The following ZC2HC1B variants were observed in gnomAD, a reference collection of about 807,000 sequenced individuals.
ZC2HC1B encodes the protein zinc finger C2HC-type containing 1B, also known as zinc finger C2HC domain-containing protein 1B.
A neutral mutation model predicts 31.0 loss-of-function variants in ZC2HC1B; 36 were observed. That is an observed-to-expected ratio of 1.16 (90% CI 0.89 to 1.54). The LOEUF is 1.54. Among genes scored for constraint, ZC2HC1B ranks in the 40% most tolerant of loss-of-function variants. ZC2HC1B has a pLI of 0.00. For synonymous variants in ZC2HC1B, 73 were observed against 88.0 expected (o/e 0.83, Z 0.95); for missense variants, 260 against 268.6 (o/e 0.97, Z 0.22).
rs757669096 is a variant in ZC2HC1B at position 143,905,540 on chromosome 6, C to G, written c.598+2388C>G. On this transcript the variant is annotated intron_variant, in intron 6 of 7. Coordinates refer to ENST00000237275, the MANE Select transcript of ZC2HC1B (RefSeq NM_001013623.3). This position sits in a 1 kb window ranked among gnomAD's most constrained non-coding sequence, Gnocchi z 4.2. The stretch of plus-strand genomic sequence containing the variant: ...TACTTCCTCCTTTCCAATTTGGATG[C>G]CTTTTAATTTTTTTCTTCCTAATTG... Among the ~76,000 whole-genome samples the G allele has an allele frequency of 2.6e-5, 4 of 152,106 alleles. No homozygotes were observed. The highest frequency in any genetic ancestry group is 4.8e-5 in the African/African-American group (2 of 41,430).
At chr6:143,893,254 A>G (rs967522692) in intron 4 of ZC2HC1B, among the ~76,000 whole-genome samples, 9 of 152,160 alleles carry the variant, frequency 5.9e-5, no homozygotes, top group Non-Finnish European at 1.2e-4. Context: ...ATGAGATACC[A>G]CTACACATCC....
At chr6:143,936,795 AT>A (rs1778183898) in intron 6 of ZC2HC1B, among the ~76,000 whole-genome samples, 2 of 152,188 alleles carry the variant, frequency 1.3e-5, no homozygotes, top group Non-Finnish European at 2.9e-5. Flanking sequence ...CAAGTTAAGC[AT>A]TTTACCTGCA....
chr6:143,937,999 C>G, intron 7 of ZC2HC1B, 143 bp from the exon 8 acceptor site: 1 of 250,560 alleles, frequency 4.0e-6, no homozygotes, highest in Non-Finnish European at 7.6e-6. Flanking sequence ...TTTCTAAGCA[C>G]CTTACCCTCA....
chr6:143,888,237 C>T (rs1777554371), intron 4 of ZC2HC1B, among the ~76,000 whole-genome samples: 1 of 152,064 alleles, frequency 6.6e-6, no homozygotes, highest in African/African-American at 2.4e-5. Context: ...TTCCTGGGCT[C>T]TCTGTTCTAT....
Position 143,869,566 on chromosome 6 carries a change from T to A in ZC2HC1B, c.28+4999T>A, listed in dbSNP as rs1294921697. Among the ~76,000 whole-genome samples the A allele has an allele frequency of 6.6e-6, 1 of 152,216 alleles. No homozygotes were observed. Among genetic ancestry groups the A allele is most frequent in the East Asian group, 1.9e-4 (1 of 5,200 alleles). Reference sequence around the variant, plus strand: ...CATGCTATGAGTCCATGGATGGTAGTCTTGGCAGAAGCATTGCATGGAGGA... The same window carrying A: ...CATGCTATGAGTCCATGGATGGTAGACTTGGCAGAAGCATTGCATGGAGGA... On this transcript the variant is annotated intron_variant, in intron 1 of 7. Coordinates refer to ENST00000237275, the MANE Select transcript of ZC2HC1B (RefSeq NM_001013623.3). This position sits in a 1 kb window ranked among gnomAD's most constrained non-coding sequence, Gnocchi z 5.2.
At position 143,886,921 on chromosome 6, in the gene ZC2HC1B, GAAGT is replaced by G. The variant is rs1210820420; in HGVS notation, c.349+103_349+106del. Reference sequence around the variant, plus strand: ...TGAAATTGACAATAACAATTACATAGAAGTAATTTTATTAATTATATAAAAGTAA... The same window carrying G: ...TGAAATTGACAATAACAATTACATAGAATTTTATTAATTATATAAAAGTAA... On this transcript the variant is annotated intron_variant, in intron 4 of 7. Coordinates refer to ENST00000237275, the MANE Select transcript of ZC2HC1B (RefSeq NM_001013623.3). This position sits in a 1 kb window ranked among gnomAD's most constrained non-coding sequence, Gnocchi z 4.2. The G allele has an allele frequency of 2.1e-5, 23 of 1,099,758 alleles. No homozygotes were observed. Among genetic ancestry groups the G allele is most frequent in the Non-Finnish European group, 2.6e-5 (22 of 833,274 alleles). The allele number at this position is 1,099,758 out of a possible 1,614,324, so 68.1% of individuals were successfully genotyped here.
Position 143,875,431 on chromosome 6 carries a change from T to C in ZC2HC1B, c.29-8873T>C, listed in dbSNP as rs564572274. Among the ~76,000 whole-genome samples the C allele has an allele frequency of 1.5e-4, 22 of 144,450 alleles. 1 individual carries two copies. Among genetic ancestry groups the C allele is most frequent in the African/African-American group, 5.1e-4 (20 of 38,916 alleles). The allele number at this position is 144,450 out of a possible 152,430, so 94.8% of individuals were successfully genotyped here. A position where few individuals can be genotyped will look rare whatever the true frequency, so the allele number is the denominator to read the frequency against. On this transcript the variant is annotated intron_variant, in intron 1 of 7. Coordinates refer to ENST00000237275, the MANE Select transcript of ZC2HC1B (RefSeq NM_001013623.3). ...TCCCAGTGGGCCATCTTTTAATCCATATTTCAGCTAACCAAGCAAATAAAC... is the reference window on the plus strand; with the variant it reads ...TCCCAGTGGGCCATCTTTTAATCCACATTTCAGCTAACCAAGCAAATAAAC...
chr6:143,911,912 T>A lies in ZC2HC1B; in HGVS notation c.598+8760T>A, dbSNP rs1297205339. On this transcript the variant is annotated intron_variant, in intron 6 of 7. Coordinates refer to ENST00000237275, the MANE Select transcript of ZC2HC1B (RefSeq NM_001013623.3). The surrounding 1 kb of genome is among the most constrained non-coding windows in gnomAD (Gnocchi z 4.5). ...CTCTTTCAGGTACCCCAATCAGTTGTAGATTTGGTCTCTTTACATAATCCC... is the reference window on the plus strand; with the variant it reads ...CTCTTTCAGGTACCCCAATCAGTTGAAGATTTGGTCTCTTTACATAATCCC... 6.6e-6 allele frequency among the ~76,000 whole-genome samples: 1 copy of A among 152,238 alleles called. No homozygotes were observed. The highest frequency in any genetic ancestry group is 1.5e-5 in the Non-Finnish European group (1 of 68,042).
chr6:143,926,814 T>C (rs544511421), intron 6 of ZC2HC1B, among the ~76,000 whole-genome samples: 29 of 150,738 alleles, frequency 1.9e-4, no homozygotes, highest in South Asian at 1.9e-3. Flanking sequence ...CATATATATT[T>C]AGAATTGTAT....
chr6:143,931,010 G>A (rs183682186), intron 6 of ZC2HC1B, among the ~76,000 whole-genome samples: 43 of 152,180 alleles, frequency 2.8e-4, no homozygotes, highest in Middle Eastern at 3.4e-3. Context: ...TCTTTTCTTA[G>A]GATTGTGGTA....
At position 143,924,677 on chromosome 6, in the gene ZC2HC1B, A is replaced by G. The variant is rs957183076; in HGVS notation, c.599-12972A>G. Among the ~76,000 whole-genome samples, 2 of 152,204 alleles carry G rather than the reference A, an allele frequency of 1.3e-5. No individual in the cohort carries two copies. Among genetic ancestry groups the G allele is most frequent in the African/African-American group, 4.8e-5 (2 of 41,448 alleles). On this transcript the variant is annotated intron_variant, in intron 6 of 7. Coordinates refer to ENST00000237275, the MANE Select transcript of ZC2HC1B (RefSeq NM_001013623.3). The surrounding 1 kb of genome is among the most constrained non-coding windows in gnomAD (Gnocchi z 5.2). ...GATATGACCTTTACTATGCTGAGGCATGTTTCTTCTATGCCTAATTTGTTA... is the reference window on the plus strand; with the variant it reads ...GATATGACCTTTACTATGCTGAGGCGTGTTTCTTCTATGCCTAATTTGTTA...
At chr6:143,929,026 C>A (rs889215278) in intron 6 of ZC2HC1B, among the ~76,000 whole-genome samples, 3 of 152,078 alleles carry the variant, frequency 2.0e-5, no homozygotes, top group Non-Finnish European at 4.4e-5. Flanking sequence ...AAGATCATTT[C>A]ATCAGCAAAC....
chr6:143,867,595 G>C (rs1466042976), intron 1 of ZC2HC1B, among the ~76,000 whole-genome samples: 1 of 152,142 alleles, frequency 6.6e-6, no homozygotes, highest in African/African-American at 2.4e-5. Context: ...CCTTCCTATG[G>C]GGTGAAATGA....
Position 143,884,383 on chromosome 6 carries a change from T to C in ZC2HC1B, c.90+18T>C. On this transcript the variant is annotated intron_variant, in intron 2 of 7. Coordinates refer to ENST00000237275, the MANE Select transcript of ZC2HC1B (RefSeq NM_001013623.3). This position sits in a 1 kb window ranked among gnomAD's most constrained non-coding sequence, Gnocchi z 5.1. ...ATGTTCTGGTAAACATAAAGACATT[T>C]TGTAGATGTGTTTCATTGGACTTAA... The C allele has an allele frequency of 2.0e-6, 3 of 1,527,080 alleles. No homozygotes were observed. Among genetic ancestry groups the C allele is most frequent in the Non-Finnish European group, 2.7e-6 (3 of 1,128,502 alleles). 94.6% of individuals were successfully genotyped at this position (1,527,080 alleles called of 1,614,324 possible).
At chr6:143,916,440 G>A (rs911420890) in intron 6 of ZC2HC1B, among the ~76,000 whole-genome samples, 1 of 152,230 alleles carries the variant, frequency 6.6e-6, no homozygotes, top group South Asian at 2.1e-4. Flanking sequence ...CCCTACTGGG[G>A]CACCGTCTAG....
At chr6:143,920,222 G>T in intron 6 of ZC2HC1B, among the ~76,000 whole-genome samples, 1 of 152,026 alleles carries the variant, frequency 6.6e-6, no homozygotes, top group Non-Finnish European at 1.5e-5. Flanking sequence ...TCTCAAGAAG[G>T]AATATTTCTT....
chr6:143,925,171 T>C (rs1289679512), intron 6 of ZC2HC1B, among the ~76,000 whole-genome samples: 1,462 of 61,958 alleles, frequency 0.024, 42 homozygotes, highest in African/African-American at 0.082. Flanking sequence ...ATTCCTTTTT[T>C]TTTTTTTTTT....
chr6:143,937,454 CCT>C (rs1169376551), intron 6 of ZC2HC1B, among the ~76,000 whole-genome samples, 193 bp from the exon 7 acceptor site: 3 of 151,924 alleles, frequency 2.0e-5, no homozygotes, highest in African/African-American at 7.3e-5. Flanking sequence ...TGAGGTAGCC[CCT>C]GTTTTCCTTA....
intron 4 of ZC2HC1B, among the ~76,000 whole-genome samples, chr6:143,890,677 C>T (rs1777590240): frequency 6.6e-6 from 1 of 152,054 alleles, no homozygotes; most frequent in African/African-American, 2.4e-5. Context: ...GTAAAACTAT[C>T]TTTATTCACA....
Sources: allele counts gnomAD v4.1 joint callset (sites outside exome capture counted in the v4.1 genomes callset), GRCh38; gene constraint gnomAD v4.1.1; non-coding constraint Gnocchi (gnomAD v3.1); transcripts MANE v1.5; gene names NCBI Gene and HGNC (gene_info 2026-07-23, HGNC 2026-07-21).